Variants in AKR1C3 observed in about 807,000 individuals in gnomAD.
AKR1C3 encodes 3-alpha hydroxysteroid dehydrogenase, type II.
A neutral mutation model predicts 43.6 loss-of-function variants in AKR1C3; 48 were observed. The ratio of observed to expected loss-of-function variants is 1.10; its 90% CI spans 0.87 to 1.40. The LOEUF (loss-of-function observed/expected upper bound fraction) is 1.40. Among genes scored for constraint, AKR1C3 ranks in the 40% most tolerant of loss-of-function variants. The pLI, the probability that AKR1C3 is intolerant of heterozygous loss-of-function variation, is 0.00. For synonymous variants in AKR1C3, 162 were observed against 139.6 expected (o/e 1.16, Z -1.13); for missense variants, 482 against 391.2 (o/e 1.23, Z -1.96).
chr10:5,100,513 A>G (rs1839320238), intron 5 of AKR1C3, among the ~76,000 whole-genome samples: 1 of 151,888 alleles, frequency 6.6e-6, no homozygotes, highest in Admixed American at 6.6e-5. Context: ...TTTCCCCCTG[A>G]GTTATTGTTA....
chr10:5,107,282 AATTT>A (rs1375986583), intron 8 of AKR1C3, among the ~76,000 whole-genome samples, 175 bp from the exon 9 acceptor site: 7 of 152,198 alleles, frequency 4.6e-5, no homozygotes, highest in African/African-American at 1.7e-4. Flanking sequence ...ATGATTGAAT[AATTT>A]ATTATTTTGA....
chr10:5,062,012 A>G (rs1478612713), intron 1 of AKR1C3, among the ~76,000 whole-genome samples: 1 of 152,224 alleles, frequency 6.6e-6, no homozygotes, highest in Non-Finnish European at 1.5e-5. Flanking sequence ...AACTTTAGTA[A>G]ATGTTAGGAA....
intron 1 of AKR1C3, among the ~76,000 whole-genome samples, chr10:5,086,305 C>G (rs1326039975): frequency 2.2e-4 from 34 of 151,586 alleles, no homozygotes; most frequent in African/African-American, 8.3e-4. Flanking sequence ...CAAAGAACAT[C>G]TTTATTTCTG....
chr10:5,079,437 G>A (rs574840979), intron 1 of AKR1C3, among the ~76,000 whole-genome samples: 1 of 152,286 alleles, frequency 6.6e-6, no homozygotes, highest in South Asian at 2.1e-4. Context: ...CAAGTGCTGA[G>A]GAAATACACG....
intron 1 of AKR1C3, among the ~76,000 whole-genome samples, chr10:5,073,759 A>G (rs1429725594): frequency 2.0e-5 from 3 of 151,924 alleles, no homozygotes; most frequent in Non-Finnish European, 2.9e-5. Context: ...CAAGAACATC[A>G]CCCTCACCTT....
At chr10:5,062,290 C>A (rs72549124) in intron 1 of AKR1C3, among the ~76,000 whole-genome samples, 2,894 of 152,266 alleles carry the variant, frequency 0.019, 102 homozygotes, top group African/African-American at 0.066. Flanking sequence ...CACAATCTTT[C>A]CTTAAACTAT....
intron 5 of AKR1C3, among the ~76,000 whole-genome samples, chr10:5,101,819 C>T (rs1204059251): frequency 1.3e-5 from 2 of 152,104 alleles, no homozygotes; most frequent in Non-Finnish European, 2.9e-5. Context: ...TTACTGTATC[C>T]CAGATATGGA....
At chr10:5,058,023 G>A (rs1030739614) in intron 1 of AKR1C3, among the ~76,000 whole-genome samples, 6 of 152,138 alleles carry the variant, frequency 3.9e-5, no homozygotes, top group South Asian at 2.1e-4. Context: ...ACATGTACCC[G>A]GGTTGGGCCA....
At chr10:5,055,312 C>T (rs565537634) in intron 1 of AKR1C3, among the ~76,000 whole-genome samples, 1 of 152,354 alleles carries the variant, frequency 6.6e-6, no homozygotes, top group Admixed American at 6.5e-5. Flanking sequence ...GGCAGTCATG[C>T]TCAATTGGTT....
At chr10:5,104,144 T>G (rs1839434080) in intron 7 of AKR1C3, among the ~76,000 whole-genome samples, 1 of 152,184 alleles carries the variant, frequency 6.6e-6, no homozygotes, top group Admixed American at 6.5e-5. Flanking sequence ...TTCATGCCTC[T>G]TTCCTGTGGT....
intron 1 of AKR1C3, among the ~76,000 whole-genome samples, chr10:5,070,210 G>A (rs1045728464): frequency 2.0e-5 from 3 of 152,218 alleles, no homozygotes; most frequent in Non-Finnish European, 4.4e-5. Context: ...AAGGAAAGGA[G>A]AGAAATAAAT....
intron 1 of AKR1C3, among the ~76,000 whole-genome samples, chr10:5,089,305 A>T (rs1183643865): frequency 3.3e-5 from 5 of 152,100 alleles, no homozygotes; most frequent in Admixed American, 3.3e-4. Flanking sequence ...AGGATAAAGA[A>T]AATATTTCTG....
chr10:5,080,974 G>A (rs1325203866), intron 1 of AKR1C3: 4 of 152,036 alleles, frequency 2.6e-5, no homozygotes, highest in Non-Finnish European at 5.9e-5. Context: ...TTGGCAGATA[G>A]AGGGCTGAGG....
At chr10:5,084,939 CTT>C (rs1838928562) in intron 1 of AKR1C3, among the ~76,000 whole-genome samples, 1 of 152,126 alleles carries the variant, frequency 6.6e-6, no homozygotes, top group Non-Finnish European at 1.5e-5. Flanking sequence ...TATCCTGAGA[CTT>C]TGCTGAAGTT....
At chr10:5,072,671 A>AT in intron 1 of AKR1C3, among the ~76,000 whole-genome samples, 1 of 152,110 alleles carries the variant, frequency 6.6e-6, no homozygotes, top group East Asian at 1.9e-4. Flanking sequence ...AAGAAATGTT[A>AT]TTTTTCCTTG....
intron 5 of AKR1C3, 111 bp from the exon 6 acceptor site, chr10:5,101,990 C>T: frequency 1.8e-5 from 12 of 673,322 alleles, no homozygotes; most frequent in Admixed American, 2.9e-5. Context: ...ATATCCTCAG[C>T]TCAAATATAA....
chr10:5,086,467 A>C (rs1838967064), intron 1 of AKR1C3, among the ~76,000 whole-genome samples: 1 of 151,668 alleles, frequency 6.6e-6, no homozygotes, highest in Non-Finnish European at 1.5e-5. Flanking sequence ...CTGTTCTTTT[A>C]CATTTGCTGA....
intron 1 of AKR1C3, among the ~76,000 whole-genome samples, chr10:5,054,593 CTG>C (rs1838220727): frequency 6.6e-6 from 1 of 152,200 alleles, no homozygotes; most frequent in South Asian, 2.1e-4. Flanking sequence ...ATGGGATACA[CTG>C]TTTTTTTCTT....
At chr10:5,080,295 C>T (rs1173314234) in intron 1 of AKR1C3, among the ~76,000 whole-genome samples, 1 of 152,108 alleles carries the variant, frequency 6.6e-6, no homozygotes, top group Non-Finnish European at 1.5e-5. Flanking sequence ...TACTTACTTG[C>T]ATAATTATCA....
Sources: gnomAD v4.1 joint callset for allele counts (sites outside exome capture counted in the v4.1 genomes callset) on GRCh38, gnomAD v4.1.1 for gene constraint, MANE v1.5 for transcripts, NCBI Gene and HGNC (gene_info 2026-07-23, HGNC 2026-07-21) for gene names.